The following YLPM1 variants were observed in gnomAD, a reference collection of about 807,000 sequenced individuals.
The protein encoded by YLPM1 is YLP motif-containing protein 1.
Under a neutral mutation model 230.0 loss-of-function variants are expected in YLPM1, and 99 were observed. That is an observed-to-expected ratio of 0.43 (90% CI 0.37 to 0.51). The LOEUF (loss-of-function observed/expected upper bound fraction) is 0.51, where lower values mean the gene tolerates loss of function less well. Ranked by LOEUF, YLPM1 falls within the 20% of genes least tolerant of loss-of-function variation. The pLI, the probability that YLPM1 is intolerant of heterozygous loss-of-function variation, is 0.00. For synonymous variants in YLPM1, 984 were observed against 942.5 expected (o/e 1.04, Z -0.81); for missense variants, 2,592 against 2,707.7 (o/e 0.96, Z 0.95).
At chr14:74,787,631 G>C (rs2091162739) in intron 4 of YLPM1, among the ~76,000 whole-genome samples, 1 of 151,782 alleles carries the variant, frequency 6.6e-6, no homozygotes, top group South Asian at 2.1e-4. Flanking sequence ...CAGTATAGTA[G>C]AAAAGTAGTC....
At chr14:74,772,253 G>T in intron 1 of YLPM1, among the ~76,000 whole-genome samples, 1 of 144,712 alleles carries the variant, frequency 6.9e-6, no homozygotes. Context: ...ATGGGATCTT[G>T]CCATGTTGCC....
At chr14:74,817,301 A>G (rs2091486721) in intron 15 of YLPM1, 24 bp downstream of exon 15, 1 of 1,550,956 alleles carries the variant, frequency 6.4e-7, no homozygotes, top group Non-Finnish European at 8.7e-7. Flanking sequence ...ACATAGAATA[A>G]TAGAGTACTA....
intron 18 of YLPM1, chr14:74,828,128 A>G (rs2091580210): frequency 2.0e-6 from 1 of 498,398 alleles, no homozygotes; most frequent in Non-Finnish European, 2.6e-6. Flanking sequence ...TTGAAACGTA[A>G]ACTCACCCTT....
rs1021534292 is a variant in YLPM1 at position 74,836,366 on chromosome 14, T to C, written c.*628T>C. 15 of 152,406 alleles carry C rather than the reference T, an allele frequency of 9.8e-5. No individual in the cohort carries two copies. Among genetic ancestry groups the C allele is most frequent in the Admixed American group, 8.5e-4 (13 of 15,290 alleles). 9.4% of individuals were successfully genotyped at this position (152,406 alleles called of 1,614,324 possible). ...AGGGTTCAAATGATGTTCAAAACACTCATCTTTGTTTTATAGCTGATTTCT... is the reference window on the plus strand; with the variant it reads ...AGGGTTCAAATGATGTTCAAAACACCCATCTTTGTTTTATAGCTGATTTCT... On this transcript the variant is annotated 3_prime_UTR_variant, in exon 21 of 21. Transcript: ENST00000325680.
At chr14:74,815,331 G>A (rs1213021456) in intron 11 of YLPM1, among the ~76,000 whole-genome samples, 2 of 152,178 alleles carry the variant, frequency 1.3e-5, no homozygotes, top group African/African-American at 4.8e-5. Context: ...GGAGGCTGAG[G>A]TGGGCGGATC....
At chr14:74,764,716 A>G (rs2090893902) in intron 1 of YLPM1, among the ~76,000 whole-genome samples, 1 of 152,170 alleles carries the variant, frequency 6.6e-6, no homozygotes, top group Non-Finnish European at 1.5e-5. Context: ...TTTAAACGAA[A>G]GTTTCCATTT....
At chr14:74,796,964 A>C (rs1594824343) in intron 4 of YLPM1, among the ~76,000 whole-genome samples, 1 of 114,910 alleles carries the variant, frequency 8.7e-6, no homozygotes, top group Non-Finnish European at 1.8e-5. Flanking sequence ...AGTATTTATA[A>C]TTGCTTTTTT....
At chr14:74,829,182 T>A in intron 18 of YLPM1, 31 bp from the exon 19 acceptor site, 1 of 1,611,498 alleles carries the variant, frequency 6.2e-7, no homozygotes, top group Non-Finnish European at 8.5e-7. Context: ...ACACTCTTCC[T>A]TAATGCTACG....
chr14:74,808,057 G>A (rs990967002), intron 6 of YLPM1, among the ~76,000 whole-genome samples: 2 of 152,124 alleles, frequency 1.3e-5, no homozygotes, highest in African/African-American at 4.8e-5. Context: ...TGGGACATTT[G>A]AATCTTACGT....
intron 4 of YLPM1, among the ~76,000 whole-genome samples, chr14:74,787,456 G>A (rs917168723): frequency 4.0e-5 from 6 of 151,862 alleles, no homozygotes; most frequent in African/African-American, 9.7e-5. Flanking sequence ...CCAGCTACTC[G>A]GGAGGCCGAG....
chr14:74,773,923 G>T (rs547481754), intron 1 of YLPM1, among the ~76,000 whole-genome samples: 3 of 152,010 alleles, frequency 2.0e-5, no homozygotes, highest in Admixed American at 6.5e-5. Context: ...GTTTCACCGT[G>T]TTGGCCAGGC....
intron 4 of YLPM1, among the ~76,000 whole-genome samples, chr14:74,786,343 CAG>C (rs1278965566): frequency 2.4e-5 from 3 of 123,602 alleles, no homozygotes; most frequent in Non-Finnish European, 4.8e-5. Flanking sequence ...TCCTGGGTGA[CAG>C]AGTGAGACTC....
chr14:74,810,114 T>G (rs2091419499), intron 8 of YLPM1, 111 bp from the exon 9 acceptor site: 3 of 1,460,692 alleles, frequency 2.1e-6, no homozygotes, highest in Non-Finnish European at 2.8e-6. Flanking sequence ...TAAAAGATTC[T>G]TAGTTGAATT....
chr14:74,824,267 G>A lies in YLPM1; in HGVS notation c.6123G>A (p.Pro2041=), dbSNP rs1284118241. The part of the protein sequence containing the change: ...EEEESELGYI[P]KSKWEMDTSE... ...TGTGTACGATTTAGGGTTACATTCC[G>A]AAAAGCAAATGGGAGATGGACACAT... Residue 2041 remains proline (P), a synonymous_variant, in exon 18 of 21, where the codon CCG becomes CCA. Transcript: ENST00000325680. The A allele has an allele frequency of 8.1e-6, 13 of 1,612,060 alleles. No individual in the cohort carries two copies. Among genetic ancestry groups the A allele is most frequent in the Admixed American group, 1.7e-5 (1 of 59,810 alleles).
chr14:74,816,209 G>A lies in YLPM1; in HGVS notation c.5509G>A (p.Val1837Ile), dbSNP rs1242383518. The change falls in exon 12 of 21, where the codon GTT becomes ATT. Residue 1837 changes from valine (V) to isoleucine (I), a missense_variant. Val to Ile is a conservative substitution (Grantham distance 29). Coordinates refer to ENST00000325680, the MANE Select transcript of YLPM1 (RefSeq NM_019589.3). ...TTGGTCTATTCTGTTTCAGATTGTT[G>A]TTATAATGAGAGGATTACCTGGCAG... ...GRESRPERIV[V>I]IMRGLPGSGK... The A allele has an allele frequency of 1.3e-6, 2 of 1,590,880 alleles. No homozygotes were observed. The highest frequency in any genetic ancestry group is 1.4e-5 in the African/African-American group (1 of 72,200).
intron 1 of YLPM1, among the ~76,000 whole-genome samples, chr14:74,772,550 G>A (rs1037094435): frequency 2.0e-5 from 3 of 151,848 alleles, no homozygotes; most frequent in Admixed American, 1.3e-4. Context: ...GTAGAGACAG[G>A]GTTTCACCAT....
chr14:74,797,544 TAC>T, intron 4 of YLPM1, 34 bp from the exon 5 acceptor site: 1 of 1,414,438 alleles, frequency 7.1e-7, no homozygotes, highest in African/African-American at 1.4e-5. Flanking sequence ...TTTTCTGCTT[TAC>T]TGTCTTGAGT....
intron 18 of YLPM1, 117 bp from the exon 19 acceptor site, chr14:74,829,096 C>A: frequency 8.5e-7 from 1 of 1,173,140 alleles, no homozygotes; most frequent in Non-Finnish European, 1.2e-6. Context: ...AGTGATGCTG[C>A]ACTCAAAAAT....
At chr14:74,770,143 C>T (rs1181723469) in intron 1 of YLPM1, among the ~76,000 whole-genome samples, 1 of 151,000 alleles carries the variant, frequency 6.6e-6, no homozygotes, top group Non-Finnish European at 1.5e-5. Flanking sequence ...GATCGCGCCA[C>T]TGCACTCCAG....
Sources: gnomAD v4.1 joint callset for allele counts (sites outside exome capture counted in the v4.1 genomes callset) on GRCh38, gnomAD v4.1.1 for gene constraint, MANE v1.5 for transcripts, NCBI Gene and HGNC (gene_info 2026-07-23, HGNC 2026-07-21) for gene names.